Variants in RNF135 observed in about 807,000 individuals in gnomAD.
The protein encoded by RNF135 is ring finger protein 135.
Under a neutral mutation model 41.9 loss-of-function variants are expected in RNF135, and 46 were observed. That is an observed-to-expected ratio of 1.10 (90% CI 0.87 to 1.40). The LOEUF is 1.40. Ranked by LOEUF, RNF135 falls within the 40% of genes most tolerant of loss-of-function variation. RNF135 has a pLI of 0.00. For synonymous variants in RNF135, 238 were observed against 223.8 expected, an observed-to-expected ratio of 1.06 and a Z score of -0.57; for missense variants, 539 against 549.8, an observed-to-expected ratio of 0.98 and a Z score of 0.20.
At position 30,971,402 on chromosome 17, in the gene RNF135, C is replaced by T. The variant is rs991014283; in HGVS notation, c.329C>T (p.Ser110Phe). Residue 110 changes from serine (S) to phenylalanine (F), a missense_variant, in exon 1 of 5, where the codon TCC (serine) becomes TTC (phenylalanine). Coordinates refer to ENST00000328381, the MANE Select transcript of RNF135 (RefSeq NM_032322.4). ...CCCTGCCCGGGCTCCAGTTCCCTCT[C>T]CAGCGCGGCCGCGAGGCCCCGGCGC... ...HCPCPGSSSL[S>F]SAAARPRRRP... 1.3e-6 allele frequency: 2 copies of T among 1,519,644 alleles called. No individual in the cohort carries two copies. Among genetic ancestry groups the T allele is most frequent in the African/African-American group, 1.4e-5 (1 of 69,718 alleles). 94.1% of individuals were successfully genotyped at this position (1,519,644 alleles called of 1,614,324 possible). A position where few individuals can be genotyped will look rare whatever the true frequency, so the allele number is the denominator to read the frequency against.
intron 1 of RNF135, among the ~76,000 whole-genome samples, chr17:30,980,484 C>T (rs1598086929): frequency 7.6e-6 from 1 of 131,726 alleles, no homozygotes; most frequent in Non-Finnish European, 1.7e-5. Context: ...GACGGGGCGG[C>T]TGGCCGGGCG....
rs944254547 is a variant in RNF135 at position 30,997,266 on chromosome 17, C to A, written c.704C>A (p.Ser235Tyr). ...MQGELLEAPSSSSCPLPDQSH... is the reference protein window; with the variant it reads ...MQGELLEAPSYSSCPLPDQSH... ...GGAGAACTCCTGGAAGCCCCGTCTT[C>A]CTCCTCATGCCCATTGCCTGACCAG... The change falls in exon 4 of 5, where the codon TCC (serine) becomes TAC (tyrosine). Residue 235 changes from serine (S) to tyrosine (Y), a missense_variant. Ser to Tyr is a moderately radical substitution (Grantham distance 144). Around this residue, in one of 2 missense-constraint regions of RNF135, gnomAD observed 262 missense variants for 336.9 expected, o/e 0.78. Coordinates refer to ENST00000328381, the MANE Select transcript of RNF135 (RefSeq NM_032322.4). 18 of 1,614,052 alleles carry A rather than the reference C, an allele frequency of 1.1e-5. No individual in the cohort carries two copies. Among genetic ancestry groups the A allele is most frequent in the Non-Finnish European group, 1.5e-5 (18 of 1,179,938 alleles).
intron 1 of RNF135, chr17:30,975,545 G>C: frequency 1.3e-6 from 1 of 780,700 alleles, no homozygotes; most frequent in East Asian, 2.4e-5. Flanking sequence ...CTCGAAAATA[G>C]ACATACACCC....
chr17:30,991,539 C>A (rs1327178224), intron 3 of RNF135, among the ~76,000 whole-genome samples: 2 of 151,682 alleles, frequency 1.3e-5, no homozygotes, highest in Non-Finnish European at 2.9e-5. Flanking sequence ...GCCTCAGCCT[C>A]CTGAGTAGTT....
chr17:30,993,960 C>T (rs1908164096), intron 3 of RNF135: 1 of 514,706 alleles, frequency 1.9e-6, no homozygotes, highest in African/African-American at 2.0e-5. Flanking sequence ...TGTGCCACCA[C>T]ACTCAGCTAA....
At chr17:30,972,222 G>C (rs943099918) in intron 1 of RNF135, 1 of 151,856 alleles carries the variant, frequency 6.6e-6, no homozygotes, top group African/African-American at 2.4e-5. Flanking sequence ...TCAGCCTCCC[G>C]AGTAACTGGG....
At position 30,999,858 on chromosome 17, in the gene RNF135, C is replaced by T. The variant is rs1184232954; in HGVS notation, c.*667C>T. The T allele has an allele frequency of 6.5e-6, 1 of 153,982 alleles. No individual in the cohort carries two copies. Among genetic ancestry groups the T allele is most frequent in the Non-Finnish European group, 1.4e-5 (1 of 68,970 alleles). The allele number at this position is 153,982 out of a possible 1,614,324, so 9.5% of individuals were successfully genotyped here. ...TTACCTTATGTGCCTTTCTTCATTG[C>T]TGATTTTAATCTGTATCCTTTCACT... On this transcript the variant is annotated 3_prime_UTR_variant, in exon 5 of 5. Coordinates refer to ENST00000328381, the MANE Select transcript of RNF135 (RefSeq NM_032322.4).
At chr17:30,983,334 TATATATATATA>T (rs1567743123) in intron 1 of RNF135, among the ~76,000 whole-genome samples, 6 of 29,430 alleles carry the variant, frequency 2.0e-4, no homozygotes, top group African/African-American at 5.5e-4. Context: ...TATATATATA[TATATATATATA>T]TATATATATT....
At chr17:30,973,469 A>C (rs1906169444) in intron 1 of RNF135, among the ~76,000 whole-genome samples, 1 of 139,762 alleles carries the variant, frequency 7.2e-6, no homozygotes. Context: ...TTTTCTTCTA[A>C]GAGTTTTTTT....
intron 1 of RNF135, chr17:30,975,657 C>T (rs1036161569): frequency 1.1e-5 from 14 of 1,285,652 alleles, no homozygotes; most frequent in South Asian, 4.7e-5. Flanking sequence ...CCGCCAATAC[C>T]GGAGGGTGGA....
chr17:30,966,392 TA>T (rs1567732259), upstream of RNF135, among the ~76,000 whole-genome samples: 3 of 128,890 alleles, frequency 2.3e-5, no homozygotes, highest in Non-Finnish European at 4.5e-5. Flanking sequence ...AGTTTTATTT[TA>T]TTATTTTTTT....
intron 2 of RNF135, among the ~76,000 whole-genome samples, chr17:30,985,864 G>A (rs1376771918): frequency 6.6e-6 from 1 of 152,162 alleles, no homozygotes; most frequent in East Asian, 1.9e-4. Context: ...GCCTGGCTCT[G>A]TGCGCTCTAG....
intron 3 of RNF135, among the ~76,000 whole-genome samples, chr17:30,992,719 A>T (rs1908070933): frequency 6.6e-6 from 1 of 152,058 alleles, no homozygotes; most frequent in South Asian, 2.1e-4. Flanking sequence ...AGTTCACCTT[A>T]GCTGCTTGAG....
chr17:30,975,521 C>T, intron 1 of RNF135: 4 of 778,100 alleles, frequency 5.1e-6, no homozygotes, highest in Admixed American at 5.1e-5. Context: ...CCCCTGCCCT[C>T]AGAAATAAAT....
chr17:30,981,221 G>A (rs1448428224), intron 1 of RNF135, among the ~76,000 whole-genome samples: 1 of 149,178 alleles, frequency 6.7e-6, no homozygotes, highest in Admixed American at 6.6e-5. Context: ...CCAGTCAGGC[G>A]TGGCGGCGCG....
At chr17:30,976,354 A>G (rs1358813278) in intron 1 of RNF135, among the ~76,000 whole-genome samples, 1 of 152,180 alleles carries the variant, frequency 6.6e-6, no homozygotes, top group African/African-American at 2.4e-5. Flanking sequence ...GACCTGACAT[A>G]TGTTAGGTCT....
chr17:30,968,737 T>C (rs1905661722), upstream of RNF135: 1 of 152,142 alleles, frequency 6.6e-6, no homozygotes, highest in East Asian at 1.9e-4. Context: ...ATAAAACTTT[T>C]AGGGCGTGTC....
At chr17:30,987,605 G>A (rs991766477) in intron 2 of RNF135, among the ~76,000 whole-genome samples, 1 of 152,118 alleles carries the variant, frequency 6.6e-6, no homozygotes, top group African/African-American at 2.4e-5. Flanking sequence ...GCCCCTATAA[G>A]ATGCGCCTAG....
chr17:30,975,578 A>G, intron 1 of RNF135: 1 of 815,080 alleles, frequency 1.2e-6, no homozygotes, highest in Non-Finnish European at 2.2e-6. Flanking sequence ...GGTCTGGTTC[A>G]AGAACCACAG....
Sources: gnomAD v4.1 joint callset for allele counts (sites outside exome capture counted in the v4.1 genomes callset) on GRCh38, gnomAD v4.1.1 for gene constraint, gnomAD v4.1.1 regional missense constraint, MANE v1.5 for transcripts, NCBI Gene and HGNC (gene_info 2026-07-23, HGNC 2026-07-21) for gene names.